Variants in SOS2 observed in about 807,000 individuals in gnomAD.
SOS2 encodes son of sevenless homolog 2.
In SOS2, 65 loss-of-function variants were observed where a neutral mutation model predicts 148.2. That is an observed-to-expected ratio of 0.44 (90% confidence interval 0.36 to 0.54). The LOEUF (loss-of-function observed/expected upper bound fraction) is 0.54, where lower values mean the gene tolerates loss of function less well. SOS2 is among the 20% of genes least tolerant of loss of function. The pLI is 0.00. For missense variants in SOS2, 1,341 were observed against 1,590.2 expected (o/e 0.84, Z 2.67); for synonymous variants, 539 against 537.1 (o/e 1.00, Z -0.05).
chr14:50,178,932 G>A (rs1885634599), intron 7 of SOS2, among the ~76,000 whole-genome samples: 2 of 151,712 alleles, frequency 1.3e-5, no homozygotes, highest in Non-Finnish European at 2.9e-5. Flanking sequence ...ACAGGGTTTC[G>A]CCAGGCTGGC....
chr14:50,219,485 G>A (rs1005403990), intron 1 of SOS2, among the ~76,000 whole-genome samples: 6 of 152,120 alleles, frequency 3.9e-5, no homozygotes. Flanking sequence ...AATCGATAAT[G>A]ACAGAAAACA....
At position 50,169,187 on chromosome 14, in the gene SOS2, G is replaced by A. The variant is rs550518493; in HGVS notation, c.1068+5267C>T. On this transcript the variant is annotated intron_variant, in intron 8 of 22. Transcript: ENST00000216373. ...AAAAATTAGCCAGGCATGGTAGCACGCATCTGTAATCTCAGCTACTCAGGA... is the reference window on the plus strand; with the variant it reads ...AAAAATTAGCCAGGCATGGTAGCACACATCTGTAATCTCAGCTACTCAGGA... 3.3e-5 allele frequency among the ~76,000 whole-genome samples: 5 copies of A among 151,812 alleles called. No homozygotes were observed. The South Asian group carries it at 6.3e-4, about 19-fold the overall frequency.
Position 50,198,464 on chromosome 14 carries a change from G to A in SOS2, c.510+1227C>T, listed in dbSNP as rs183722583. Reference sequence around the variant, plus strand: ...TCTGAAATTATGGCATCGTACAATCGGTCTCAGTCATTATAACTGCACATC... The same window carrying A: ...TCTGAAATTATGGCATCGTACAATCAGTCTCAGTCATTATAACTGCACATC... On this transcript the variant is annotated intron_variant, in intron 4 of 22. Coordinates refer to ENST00000216373, the MANE Select transcript of SOS2 (RefSeq NM_006939.4). Among the ~76,000 whole-genome samples the A allele has an allele frequency of 5.0e-4, 76 of 152,110 alleles. 2 individuals carry two copies. The highest frequency in any genetic ancestry group is 1.7e-3 in the African/African-American group (71 of 41,484).
At chr14:50,137,884 G>A (rs1030008412) in intron 18 of SOS2, among the ~76,000 whole-genome samples, 1 of 152,162 alleles carries the variant, frequency 6.6e-6, no homozygotes, top group African/African-American at 2.4e-5. Flanking sequence ...CTGTCACCCA[G>A]GCTGGAAGGC....
chr14:50,131,170 A>C (rs1883854092), intron 19 of SOS2, among the ~76,000 whole-genome samples: 1 of 152,038 alleles, frequency 6.6e-6, no homozygotes, highest in Non-Finnish European at 1.5e-5. Flanking sequence ...TCCCCTTCCT[A>C]TACTAAATGA....
chr14:50,150,345 T>C lies in SOS2; in HGVS notation c.2162-115A>G, dbSNP rs145446952. Reference sequence around the variant, plus strand: ...AACAGTTACCAACTCATGGCCAATTTTTATTTTCTCTAACCCTACTCATGC... The same window carrying C: ...AACAGTTACCAACTCATGGCCAATTCTTATTTTCTCTAACCCTACTCATGC... On this transcript the variant is annotated intron_variant, in intron 13 of 22. Transcript: ENST00000216373. 10 of 716,378 alleles carry C rather than the reference T, an allele frequency of 1.4e-5. No individual in the cohort carries two copies. In the African/African-American group the frequency reaches 1.6e-4, roughly 11 times the overall value. The allele number at this position is 716,378 out of a possible 1,614,324, so 44.4% of individuals were successfully genotyped here. A position where few individuals can be genotyped will look rare whatever the true frequency, so the allele number is the denominator to read the frequency against.
At chr14:50,182,337 T>G in intron 6 of SOS2, 126 bp downstream of exon 6, 1 of 823,220 alleles carries the variant, frequency 1.2e-6, no homozygotes, top group Non-Finnish European at 1.9e-6. Flanking sequence ...GGCACTACCA[T>G]GCCTGGATAA....
intron 11 of SOS2, 103 bp from the exon 12 acceptor site, chr14:50,157,224 G>T (rs1884850342): frequency 7.4e-7 from 1 of 1,343,838 alleles, no homozygotes; most frequent in Non-Finnish European, 1.0e-6. Context: ...ACGAAAAGTG[G>T]ATTACTGTTA....
chr14:50,157,465 G>C (rs560016380), intron 11 of SOS2, among the ~76,000 whole-genome samples: 3 of 151,912 alleles, frequency 2.0e-5, no homozygotes, highest in Non-Finnish European at 2.9e-5. Context: ...AATGAAAGTA[G>C]GCTAATAAAT....
chr14:50,165,137 T>C (rs959604704), intron 8 of SOS2, among the ~76,000 whole-genome samples: 6 of 152,334 alleles, frequency 3.9e-5, no homozygotes, highest in African/African-American at 1.4e-4. Context: ...TCATAGCTCA[T>C]CTTACAACAA....
chr14:50,189,075 A>ACACACACACC (rs1886022974), intron 4 of SOS2, among the ~76,000 whole-genome samples: 1 of 149,862 alleles, frequency 6.7e-6, no homozygotes, highest in Admixed American at 6.7e-5. Context: ...ACACACACAC[A>ACACACACACC]CACACACACA....
chr14:50,120,943 T>A (rs997962712), intron 21 of SOS2, among the ~76,000 whole-genome samples: 1 of 152,102 alleles, frequency 6.6e-6, no homozygotes, highest in Non-Finnish European at 1.5e-5. Flanking sequence ...TTTCACCATG[T>A]TGGTCAGGCT....
chr14:50,181,363 G>A (rs1010364128), intron 6 of SOS2, among the ~76,000 whole-genome samples: 3 of 152,024 alleles, frequency 2.0e-5, no homozygotes, highest in African/African-American at 7.2e-5. Context: ...CAGGAGAATG[G>A]CTTGAACCTG....
At chr14:50,175,117 T>C (rs888058999) in intron 7 of SOS2, among the ~76,000 whole-genome samples, 1 of 152,232 alleles carries the variant, frequency 6.6e-6, no homozygotes. Context: ...CAAACATTAT[T>C]AATGTCATGG....
intron 1 of SOS2, among the ~76,000 whole-genome samples, chr14:50,206,811 TTTAG>T (rs1422526602): frequency 1.3e-5 from 2 of 152,220 alleles, no homozygotes; most frequent in Non-Finnish European, 2.9e-5. Context: ...TTCATTTTTA[TTTAG>T]TTATTTAATT....
At chr14:50,165,939 A>C (rs755172187) in intron 8 of SOS2, among the ~76,000 whole-genome samples, 3 of 152,166 alleles carry the variant, frequency 2.0e-5, no homozygotes, top group Non-Finnish European at 4.4e-5. Flanking sequence ...TTATATCCAA[A>C]CCCAGGAGCT....
chr14:50,145,100 T>C (rs1418689940), intron 16 of SOS2, 70 bp downstream of exon 16: 18 of 773,516 alleles, frequency 2.3e-5, no homozygotes, highest in Admixed American at 2.9e-5. Flanking sequence ...AGACAGATGA[T>C]AGATGAAATT....
At chr14:50,212,489 A>C (rs1406109233) in intron 1 of SOS2, among the ~76,000 whole-genome samples, 1 of 152,244 alleles carries the variant, frequency 6.6e-6, no homozygotes, top group Non-Finnish European at 1.5e-5. Context: ...AAAGAAAATC[A>C]AAACAGTGAA....
intron 11 of SOS2, 97 bp from the exon 12 acceptor site, chr14:50,157,218 A>T: frequency 5.8e-6 from 8 of 1,374,540 alleles, no homozygotes; most frequent in Non-Finnish European, 7.9e-6. Context: ...ACTTCCACGA[A>T]AAGTGGATTA....
Sources: gnomAD v4.1 joint callset for allele counts (sites outside exome capture counted in the v4.1 genomes callset) on GRCh38, gnomAD v4.1.1 for gene constraint, MANE v1.5 for transcripts, NCBI Gene and HGNC (gene_info 2026-07-23, HGNC 2026-07-21) for gene names.